The following LPAR5 variants were observed in gnomAD, a reference collection of about 807,000 sequenced individuals.
LPAR5 encodes the protein G protein-coupled receptor 92.
For synonymous variants in LPAR5, 271 were observed against 261.6 expected (o/e 1.04, Z -0.35); for missense variants, 544 against 521.8 (o/e 1.04, Z -0.41).
intron 1 of LPAR5, among the ~76,000 whole-genome samples, chr12:6,633,791 G>A (rs1315366427): frequency 6.6e-6 from 1 of 152,152 alleles, no homozygotes; most frequent in African/African-American, 2.4e-5. Flanking sequence ...TGCACTGGGG[G>A]CAGCAGAGTA....
At position 6,619,585 on chromosome 12, in the gene LPAR5, C is replaced by T. The variant is rs751572664; in HGVS notation, c.*545G>A. Reference sequence around the variant, plus strand: ...GTCTAAATTGTCACAAGTCACTATGCGAGAAAGAATGTAGTTCTGTCCATA... The same window carrying T: ...GTCTAAATTGTCACAAGTCACTATGTGAGAAAGAATGTAGTTCTGTCCATA... On this transcript the variant is annotated 3_prime_UTR_variant, in exon 2 of 2. Coordinates refer to ENST00000329858, the MANE Select transcript of LPAR5 (RefSeq NM_020400.6). The T allele has an allele frequency of 4.5e-5, 9 of 198,884 alleles. No individual in the cohort carries two copies. The highest frequency in any genetic ancestry group is 1.6e-4 in the Admixed American group (3 of 18,482). The allele number at this position is 198,884 out of a possible 1,614,324, so 12.3% of individuals were successfully genotyped here.
intron 1 of LPAR5, among the ~76,000 whole-genome samples, chr12:6,632,660 T>C (rs1281779535): frequency 1.3e-5 from 2 of 152,182 alleles, no homozygotes; most frequent in African/African-American, 2.4e-5. Flanking sequence ...TCCAAAGCCT[T>C]TGTGAAAAGC....
intron 1 of LPAR5, among the ~76,000 whole-genome samples, chr12:6,632,622 C>T (rs1948987041): frequency 6.6e-6 from 1 of 152,194 alleles, no homozygotes; most frequent in Non-Finnish European, 1.5e-5. Context: ...CCCAGCTGTG[C>T]TGAGCCTCCA....
chr12:6,632,647 C>A (rs1412779781), intron 1 of LPAR5, among the ~76,000 whole-genome samples: 1 of 152,186 alleles, frequency 6.6e-6, no homozygotes, highest in Non-Finnish European at 1.5e-5. Flanking sequence ...AAGCTTAGCT[C>A]AGTCCAAAGC....
chr12:6,623,483 G>C (rs1293501314), intron 1 of LPAR5, among the ~76,000 whole-genome samples: 1 of 151,774 alleles, frequency 6.6e-6, no homozygotes, highest in Non-Finnish European at 1.5e-5. Flanking sequence ...GCAATGAGTC[G>C]AGATCACGCC....
chr12:6,619,667 G>C lies in LPAR5; in HGVS notation c.*463C>G, dbSNP rs1160454828. 1 of 329,104 alleles carries C rather than the reference G, an allele frequency of 3.0e-6. No individual in the cohort carries two copies. The highest frequency in any genetic ancestry group is 3.9e-5 in the Admixed American group (1 of 25,402). The allele number at this position is 329,104 out of a possible 1,614,324, so 20.4% of individuals were successfully genotyped here. A position where few individuals can be genotyped will look rare whatever the true frequency, so the allele number is the denominator to read the frequency against. On this transcript the variant is annotated 3_prime_UTR_variant, in exon 2 of 2. Transcript: ENST00000329858. ...AGGGGAAGCCTAGGCCGAAATGAAA[G>C]GGGGTGGCATCCATGAGCCTAGACA...
intron 1 of LPAR5, among the ~76,000 whole-genome samples, chr12:6,632,274 C>T (rs920513525): frequency 1.3e-5 from 2 of 152,082 alleles, no homozygotes; most frequent in Admixed American, 1.3e-4. Flanking sequence ...CCCGGCCTGC[C>T]TCCTCTTTCA....
At chr12:6,635,027 C>A (rs550735924) in intron 1 of LPAR5, among the ~76,000 whole-genome samples, 1 of 150,454 alleles carries the variant, frequency 6.6e-6, no homozygotes, top group African/African-American at 2.4e-5. Flanking sequence ...GCGGAGGTTG[C>A]AGTGAGCTGA....
intron 1 of LPAR5, among the ~76,000 whole-genome samples, chr12:6,625,289 G>A (rs571782021): frequency 6.6e-6 from 1 of 151,426 alleles, no homozygotes; most frequent in Non-Finnish European, 1.5e-5. Context: ...GCCGGGCGTG[G>A]TGGCAGGCGC....
rs71067128 is a variant in LPAR5, at chr12:6,628,028, C to CTTTTTTTTT, written c.-216-6573_-216-6565dup. On this transcript the variant is annotated intron_variant, in intron 1 of 1. Coordinates refer to ENST00000329858, the MANE Select transcript of LPAR5 (RefSeq NM_020400.6). ...GATCATTCTTTTCTTTTTCTTTTTT[C>CTTTTTTTTT]TTTTTTTTTTTGAGACAGAGTCTTG... Among the ~76,000 whole-genome samples the CTTTTTTTTT allele has an allele frequency of 1.2e-3, 166 of 134,498 alleles. 8 individuals carry two copies. The highest frequency in any genetic ancestry group is 3.1e-3 in the African/African-American group (115 of 36,808). 88.2% of individuals were successfully genotyped at this position (134,498 alleles called of 152,430 possible). A position where few individuals can be genotyped will look rare whatever the true frequency, so the allele number is the denominator to read the frequency against.
At position 6,621,415 on chromosome 12, in the gene LPAR5, G is replaced by T; in HGVS notation, c.-167C>A. On this transcript the variant is annotated 5_prime_UTR_variant, in exon 2 of 2. Transcript: ENST00000329858. ...TGGGCTATGGCTGCAGGGACAGATG[G>T]CTGCCAAGGGTTGGGTGCGTTTGGT... 8.3e-6 allele frequency: 5 copies of T among 601,528 alleles called. No homozygotes were observed. Among genetic ancestry groups the T allele is most frequent in the Non-Finnish European group, 1.3e-5 (5 of 389,368 alleles). 37.3% of individuals were successfully genotyped at this position (601,528 alleles called of 1,614,324 possible).
At chr12:6,634,855 C>T (rs576863968) in intron 1 of LPAR5, among the ~76,000 whole-genome samples, 3 of 149,436 alleles carry the variant, frequency 2.0e-5, no homozygotes, top group African/African-American at 4.9e-5. Context: ...TTTGGGAGGC[C>T]GAGGCAGGTG....
At chr12:6,621,526 C>T in intron 1 of LPAR5, 62 bp from the exon 2 acceptor site, 1 of 333,548 alleles carries the variant, frequency 3.0e-6, no homozygotes. Flanking sequence ...AAATGTTTAG[C>T]TCCACTGGCA....
At chr12:6,635,212 TC>T (rs1565390009) in intron 1 of LPAR5, among the ~76,000 whole-genome samples, 1 of 152,106 alleles carries the variant, frequency 6.6e-6, no homozygotes, top group East Asian at 1.9e-4. Flanking sequence ...GTAGGCCCCA[TC>T]CTCATGGTGT....
Position 6,620,521 on chromosome 12 carries a change from A to G in LPAR5, c.728T>C (p.Phe243Ser), listed in dbSNP as rs1440723254. Reference sequence around the variant, plus strand: ...GTTGTAGGGCACGAAGCACAGCAGGAAGATGACGAGGTTAGCCAGCAGGAG... The same window carrying G: ...GTTGTAGGGCACGAAGCACAGCAGGGAGATGACGAGGTTAGCCAGCAGGAG... ...VRLLLANLVI[F>S]LLCFVPYNST... The change falls in exon 2 of 2, where the codon TTC becomes TCC. Residue 243 changes from phenylalanine (F) to serine (S), a missense_variant. Phe to Ser is a radical substitution (Grantham distance 155). Coordinates refer to ENST00000329858, the MANE Select transcript of LPAR5 (RefSeq NM_020400.6). This position sits in a 1 kb window ranked among gnomAD's most constrained non-coding sequence, Gnocchi z 6.8. 2.5e-6 allele frequency: 4 copies of G among 1,581,084 alleles called. No homozygotes were observed. Among genetic ancestry groups the G allele is most frequent in the Admixed American group, 1.8e-5 (1 of 54,582 alleles).
At chr12:6,633,391 C>T (rs980797529) in intron 1 of LPAR5, among the ~76,000 whole-genome samples, 1 of 151,780 alleles carries the variant, frequency 6.6e-6, no homozygotes, top group African/African-American at 2.4e-5. Flanking sequence ...CTGCTCTTGC[C>T]GGTTCCTTCT....
At chr12:6,625,151 C>A (rs1407954383) in intron 1 of LPAR5, among the ~76,000 whole-genome samples, 1 of 151,880 alleles carries the variant, frequency 6.6e-6, no homozygotes, top group Non-Finnish European at 1.5e-5. Context: ...TTAGGCCGGG[C>A]GTGGTGGTTC....
chr12:6,631,055 G>C (rs980847174), intron 1 of LPAR5, among the ~76,000 whole-genome samples: 4 of 152,224 alleles, frequency 2.6e-5, no homozygotes, highest in African/African-American at 9.7e-5. Flanking sequence ...GAAGAGGTCA[G>C]GCTGTAGGAG....
intron 1 of LPAR5, among the ~76,000 whole-genome samples, chr12:6,633,742 G>A (rs1948994954): frequency 6.6e-6 from 1 of 152,018 alleles, no homozygotes; most frequent in South Asian, 2.1e-4. Flanking sequence ...AATGCCCCTG[G>A]GCATAAAAGA....
Sources: allele counts gnomAD v4.1 joint callset (sites outside exome capture counted in the v4.1 genomes callset), GRCh38; gene constraint gnomAD v4.1.1; non-coding constraint Gnocchi (gnomAD v3.1); transcripts MANE v1.5; gene names NCBI Gene and HGNC (gene_info 2026-07-23, HGNC 2026-07-21).